Variants in MAGI1 observed in about 807,000 individuals in gnomAD.
MAGI1 encodes membrane-associated guanylate kinase, WW and PDZ domain-containing protein 1.
MAGI1 carries 58 observed loss-of-function variants against 139.9 expected under a neutral mutation model. That is an observed-to-expected ratio of 0.41 (90% CI 0.34 to 0.52). The LOEUF (loss-of-function observed/expected upper bound fraction) is 0.52, where lower values mean the gene tolerates loss of function less well. Among genes scored for constraint, MAGI1 ranks in the 20% least tolerant of loss-of-function variants. The pLI is 0.12. For synonymous variants in MAGI1, 812 were observed against 737.9 expected, an observed-to-expected ratio of 1.10 and a Z score of -1.63; for missense variants, 1,874 against 1,901.6, an observed-to-expected ratio of 0.99 and a Z score of 0.27.
intron 1 of MAGI1, among the ~76,000 whole-genome samples, chr3:65,941,254 G>T (rs1433634587): frequency 6.6e-6 from 1 of 152,012 alleles, no homozygotes; most frequent in African/African-American, 2.4e-5. Flanking sequence ...GGCTGAGGCA[G>T]GAGAATAGCT....
chr3:65,721,394 G>A (rs1479434948), intron 1 of MAGI1, among the ~76,000 whole-genome samples: 2 of 152,168 alleles, frequency 1.3e-5, no homozygotes, highest in East Asian at 1.9e-4. Context: ...TAAAAGGGGT[G>A]CTACTGATAA....
chr3:65,448,129 G>A, intron 6 of MAGI1, 72 bp from the exon 7 acceptor site: 1 of 1,370,154 alleles, frequency 7.3e-7, no homozygotes, highest in East Asian at 2.3e-5. Context: ...CACCAAGAAA[G>A]GAAATCTCCT....
chr3:65,599,967 G>A (rs2082404482), intron 2 of MAGI1, among the ~76,000 whole-genome samples: 1 of 152,102 alleles, frequency 6.6e-6, no homozygotes, highest in African/African-American at 2.4e-5. Context: ...TTGTTTGAGA[G>A]AAACAATAAA....
intron 12 of MAGI1, among the ~76,000 whole-genome samples, chr3:65,425,871 C>A (rs1458913465): frequency 3.3e-5 from 5 of 151,998 alleles, no homozygotes; most frequent in African/African-American, 1.2e-4. Flanking sequence ...AGTAAAAAAT[C>A]CTTATGGGAC....
intron 1 of MAGI1, among the ~76,000 whole-genome samples, chr3:65,734,505 G>GAGAGAAAAAGAA (rs1553699212): frequency 7.1e-6 from 1 of 140,398 alleles, no homozygotes; most frequent in African/African-American, 2.8e-5. Flanking sequence ...GAAAGAGGAA[G>GAGAGAAAAAGAA]AGAGAGAAAG....
At chr3:65,970,410 G>A (rs1441690631) in intron 1 of MAGI1, among the ~76,000 whole-genome samples, 3 of 151,956 alleles carry the variant, frequency 2.0e-5, no homozygotes, top group Non-Finnish European at 4.4e-5. Flanking sequence ...TTGTGGAGAG[G>A]AATGGTGGTG....
chr3:65,749,841 T>C (rs1391118503), intron 1 of MAGI1, among the ~76,000 whole-genome samples: 1 of 152,054 alleles, frequency 6.6e-6, no homozygotes. Flanking sequence ...CCTCAAGATA[T>C]GTTCTGGAAT....
rs939325508 is a variant in MAGI1 at position 65,355,541 on chromosome 3, C to T, written c.*837G>A. 1.3e-5 allele frequency: 2 copies of T among 152,538 alleles called. No homozygotes were observed. Among genetic ancestry groups the T allele is most frequent in the African/African-American group, 4.8e-5 (2 of 41,444 alleles). The allele number at this position is 152,538 out of a possible 1,614,324, so 9.4% of individuals were successfully genotyped here. On this transcript the variant is annotated 3_prime_UTR_variant, in exon 23 of 23. Coordinates refer to ENST00000402939, the MANE Select transcript of MAGI1 (RefSeq NM_001033057.2). ...TTCAGCCTCCAATCAGACGAGACAA[C>T]ACGAAAGATGCTTGTTGTCTCTTCC...
At chr3:65,529,802 GTATATACACATATAA>G (rs143691514) in intron 2 of MAGI1, among the ~76,000 whole-genome samples, 2,211 of 152,206 alleles carry the variant, frequency 0.015, 63 homozygotes, top group African/African-American at 0.049. Context: ...ACATAAAAAT[GTATATACACATATAA>G]TATATACACA....
At chr3:65,510,068 T>A (rs2077503479) in intron 2 of MAGI1, among the ~76,000 whole-genome samples, 1 of 151,852 alleles carries the variant, frequency 6.6e-6, no homozygotes, top group African/African-American at 2.4e-5. Context: ...CTGCAGGGTA[T>A]TCCAACAGAC....
Position 65,739,247 on chromosome 3 carries a change from T to C in MAGI1, c.314-117159A>G, listed in dbSNP as rs114616273. Among the ~76,000 whole-genome samples, 1,236 of 152,310 alleles carry C rather than the reference T, an allele frequency of 8.1e-3. 22 individuals are homozygous for C. Among genetic ancestry groups the C allele is most frequent in the African/African-American group, 0.029 (1,204 of 41,576 alleles). On this transcript the variant is annotated intron_variant, in intron 1 of 22. Transcript: ENST00000402939. ...CTTTCCTTAAACTTCATGAACCAAC[T>C]TATAGGCCAGCTTCAAACTTTTCTT...
rs776151310 is a variant in MAGI1 at position 65,841,513 on chromosome 3, C to T, written c.313+196483G>A. On this transcript the variant is annotated intron_variant, in intron 1 of 22. Coordinates refer to ENST00000402939, the MANE Select transcript of MAGI1 (RefSeq NM_001033057.2). ...TGCGATCTTAGCTCACCACAACCTC[C>T]GCCTCCCGGGTTCAAGCCATTCTCC... Among the ~76,000 whole-genome samples the T allele has an allele frequency of 4.6e-5, 7 of 151,588 alleles. No individual in the cohort carries two copies. In the East Asian group the frequency reaches 5.8e-4, roughly 13 times the overall value.
chr3:65,549,453 G>A lies in MAGI1; in HGVS notation c.431-55822C>T, dbSNP rs996434120. On this transcript the variant is annotated intron_variant, in intron 2 of 22. Coordinates refer to ENST00000402939, the MANE Select transcript of MAGI1 (RefSeq NM_001033057.2). ...CCGGAGTTCGCCTCGGTCACTGCCG[G>A]AGCCCAGGCGCGCGCTCGGTGGCCG... The A allele has an allele frequency of 4.1e-6, 4 of 985,192 alleles. No individual in the cohort carries two copies. In the African/African-American group the frequency reaches 7.0e-5, roughly 17 times the overall value. The allele number at this position is 985,192 out of a possible 1,614,324, so 61.0% of individuals were successfully genotyped here. A position where few individuals can be genotyped will look rare whatever the true frequency, so the allele number is the denominator to read the frequency against.
At chr3:66,028,108 C>T (rs1357066120) in intron 1 of MAGI1, among the ~76,000 whole-genome samples, 1 of 152,112 alleles carries the variant, frequency 6.6e-6, no homozygotes, top group Non-Finnish European at 1.5e-5. Flanking sequence ...AGCTCGAGAC[C>T]AGCCTGAGCA....
At chr3:65,504,476 G>A (rs2077200135) in intron 2 of MAGI1, among the ~76,000 whole-genome samples, 1 of 152,144 alleles carries the variant, frequency 6.6e-6, no homozygotes, top group South Asian at 2.1e-4. Context: ...TTACACAGCT[G>A]GTAAGTGTCA....
intron 1 of MAGI1, among the ~76,000 whole-genome samples, chr3:65,659,263 G>C (rs759142802): frequency 6.6e-6 from 1 of 152,094 alleles, no homozygotes; most frequent in Non-Finnish European, 1.5e-5. Context: ...GTGATCACAG[G>C]AGAATGGAAA....
chr3:65,509,328 C>T (rs150303608), intron 2 of MAGI1, among the ~76,000 whole-genome samples: 47 of 152,180 alleles, frequency 3.1e-4, no homozygotes, highest in Non-Finnish European at 5.6e-4. Context: ...GGAACAGCTC[C>T]GGTCTACAGC....
At chr3:65,917,831 GTATAT>G (rs1376196401) in intron 1 of MAGI1, among the ~76,000 whole-genome samples, 1 of 152,190 alleles carries the variant, frequency 6.6e-6, no homozygotes, top group African/African-American at 2.4e-5. Flanking sequence ...AAACTAGTCT[GTATAT>G]TATAATGGTG....
intron 1 of MAGI1, among the ~76,000 whole-genome samples, chr3:65,904,767 C>A (rs1290729077): frequency 2.6e-5 from 4 of 152,342 alleles, no homozygotes; most frequent in East Asian, 3.9e-4. Flanking sequence ...CCTCTCCTCA[C>A]TAGACTGGAA....
Sources: allele counts gnomAD v4.1 joint callset (sites outside exome capture counted in the v4.1 genomes callset), GRCh38; gene constraint gnomAD v4.1.1; transcripts MANE v1.5; gene names NCBI Gene and HGNC (gene_info 2026-07-23, HGNC 2026-07-21).